RORA: variants seen among roughly 807,000 people sequenced by gnomAD.
RORA encodes the protein RAR related orphan receptor A.
Under a neutral mutation model 69.5 loss-of-function variants are expected in RORA, and 7 were observed. The ratio of observed to expected loss-of-function variants is 0.10; its 90% confidence interval spans 0.06 to 0.19. The LOEUF (loss-of-function observed/expected upper bound fraction) is 0.19. RORA is among the 10% of genes least tolerant of loss of function. The pLI, the probability that RORA is intolerant of heterozygous loss-of-function variation, is 1.00. For synonymous variants in RORA, 261 were observed against 240.8 expected, an observed-to-expected ratio of 1.08 and a Z score of -0.78; for missense variants, 457 against 663.0, an observed-to-expected ratio of 0.69 and a Z score of 3.41.
rs567252990 is a variant in RORA, at chr15:60,625,443, A to C, written c.196+53214T>G. 3.3e-5 allele frequency among the ~76,000 whole-genome samples: 5 copies of C among 152,338 alleles called. No individual in the cohort carries two copies. In the East Asian group the frequency reaches 7.7e-4, roughly 23 times the overall value. On this transcript the variant is annotated intron_variant, in intron 2 of 10. Transcript: ENST00000335670. Reference sequence around the variant, plus strand: ...CAAATGCATTTACCATTGTCCTACTATTCCGCATCTAGGAATTTATCCTGT... The same window carrying C: ...CAAATGCATTTACCATTGTCCTACTCTTCCGCATCTAGGAATTTATCCTGT...
At chr15:61,077,036 C>T (rs1239295715) in intron 1 of RORA, among the ~76,000 whole-genome samples, 1 of 151,942 alleles carries the variant, frequency 6.6e-6, no homozygotes, top group Non-Finnish European at 1.5e-5. Context: ...AACACTAAAA[C>T]CGATTTTGTT....
chr15:60,980,725 C>T (rs906386612), intron 1 of RORA, among the ~76,000 whole-genome samples: 3 of 151,730 alleles, frequency 2.0e-5, no homozygotes, highest in Non-Finnish European at 4.4e-5. Context: ...GGTGGTAATG[C>T]CCTTCTCTCA....
At chr15:60,498,998 G>T (rs1225810465) in intron 10 of RORA, among the ~76,000 whole-genome samples, 2 of 152,040 alleles carry the variant, frequency 1.3e-5, no homozygotes, top group Non-Finnish European at 2.9e-5. Context: ...TACTAGCAAT[G>T]GCACTGAAGG....
At chr15:60,657,066 T>C (rs2070231706) in intron 2 of RORA, among the ~76,000 whole-genome samples, 1 of 152,198 alleles carries the variant, frequency 6.6e-6, no homozygotes, top group African/African-American at 2.4e-5. Flanking sequence ...GAATTGGCTA[T>C]GTGGGTTGGC....
At chr15:60,742,991 C>T (rs1042147167) in intron 1 of RORA, among the ~76,000 whole-genome samples, 1 of 149,182 alleles carries the variant, frequency 6.7e-6, no homozygotes, top group Non-Finnish European at 1.5e-5. Flanking sequence ...TATGATATCC[C>T]TATTTATGTA....
intron 1 of RORA, among the ~76,000 whole-genome samples, chr15:60,853,446 G>A (rs1292093588): frequency 2.6e-5 from 4 of 152,160 alleles, no homozygotes; most frequent in Admixed American, 1.3e-4. Context: ...AGAGTCACAA[G>A]GCATAAAACG....
intron 1 of RORA, among the ~76,000 whole-genome samples, chr15:60,928,112 C>A (rs576883022): frequency 8.5e-5 from 13 of 152,320 alleles, no homozygotes; most frequent in African/African-American, 2.6e-4. Context: ...CTCTGGAACA[C>A]TGAACTGCCC....
intron 2 of RORA, among the ~76,000 whole-genome samples, chr15:60,637,604 G>GA (rs2069864396): frequency 1.3e-5 from 2 of 151,992 alleles, no homozygotes; most frequent in Admixed American, 6.6e-5. Context: ...TATACGGCGT[G>GA]AAAAAAATTT....
chr15:60,789,056 A>G (rs947315516), intron 1 of RORA, among the ~76,000 whole-genome samples: 1 of 152,212 alleles, frequency 6.6e-6, no homozygotes, highest in African/African-American at 2.4e-5. Flanking sequence ...TGAAATATTG[A>G]TTTGCAAGGC....
chr15:60,773,020 A>G (rs1177417731), intron 1 of RORA, among the ~76,000 whole-genome samples: 2 of 152,212 alleles, frequency 1.3e-5, no homozygotes, highest in Non-Finnish European at 2.9e-5. Flanking sequence ...TTTGAGTTGC[A>G]AGTTCCATTT....
intron 1 of RORA, among the ~76,000 whole-genome samples, chr15:61,079,488 T>C (rs2078505499): frequency 6.6e-6 from 1 of 152,202 alleles, no homozygotes. Context: ...CATCACCAAG[T>C]ATCGTGCAAG....
chr15:60,667,078 C>T (rs1206805744), intron 2 of RORA, among the ~76,000 whole-genome samples: 1 of 152,170 alleles, frequency 6.6e-6, no homozygotes, highest in Non-Finnish European at 1.5e-5. Flanking sequence ...TAATATACCT[C>T]ATCTCAGAGA....
At chr15:60,608,022 A>G (rs533752304) in intron 2 of RORA, among the ~76,000 whole-genome samples, 1 of 152,362 alleles carries the variant, frequency 6.6e-6, no homozygotes, top group South Asian at 2.1e-4. Flanking sequence ...AGGCAGCTGC[A>G]AAACGTCCGT....
chr15:60,671,696 CT>C (rs2070475590), intron 2 of RORA, among the ~76,000 whole-genome samples: 1 of 151,710 alleles, frequency 6.6e-6, no homozygotes, highest in South Asian at 2.1e-4. Context: ...ACTGCAACCT[CT>C]GCCTCCCGGG....
In RORA at chr15:60,495,088, A is replaced by G. The variant is rs2065133797; in HGVS notation, c.*2367T>C. Reference sequence around the variant, plus strand: ...TTTAGTGAATCTGAATGACAAAAAAACAAAACAAAACCAAAACCAAAAAAC... The same window carrying G: ...TTTAGTGAATCTGAATGACAAAAAAGCAAAACAAAACCAAAACCAAAAAAC... On this transcript the variant is annotated 3_prime_UTR_variant, in exon 11 of 11. Transcript: ENST00000335670. 6.6e-6 allele frequency: 1 copy of G among 152,206 alleles called. No homozygotes were observed. Among genetic ancestry groups the G allele is most frequent in the African/African-American group, 2.4e-5 (1 of 41,446 alleles). The allele number at this position is 152,206 out of a possible 1,614,324, so 9.4% of individuals were successfully genotyped here.
intron 7 of RORA, among the ~76,000 whole-genome samples, 174 bp downstream of exon 7, chr15:60,503,361 T>C (rs2065390293): frequency 6.6e-6 from 1 of 152,202 alleles, no homozygotes; most frequent in South Asian, 2.1e-4. Context: ...GGGGGAATGT[T>C]TCCTGAATAT....
chr15:60,513,194 A>G (rs907579424), intron 4 of RORA, among the ~76,000 whole-genome samples: 5 of 152,252 alleles, frequency 3.3e-5, no homozygotes, highest in African/African-American at 9.6e-5. Context: ...CACAACTCAG[A>G]TAAGAAACTT....
chr15:60,725,539 C>T lies in RORA; in HGVS notation c.167-46853G>A, dbSNP rs1595662593. Among the ~76,000 whole-genome samples the T allele has an allele frequency of 2.0e-5, 3 of 152,284 alleles. No homozygotes were observed. In the South Asian group the frequency reaches 6.2e-4, roughly 32 times the overall value. ...CACATTATGGAAAATGGGGTGTCCA[C>T]CCCCTCAAGCACGTATCCTTTGTGT... On this transcript the variant is annotated intron_variant, in intron 1 of 10. Coordinates refer to ENST00000335670, the MANE Select transcript of RORA (RefSeq NM_134261.3).
intron 1 of RORA, among the ~76,000 whole-genome samples, chr15:60,750,926 C>T (rs1167438025): frequency 2.0e-5 from 3 of 152,208 alleles, no homozygotes; most frequent in African/African-American, 7.2e-5. Flanking sequence ...TTAGTTCCAA[C>T]TCCAGGTTGG....
Sources: gnomAD v4.1 joint callset for allele counts (sites outside exome capture counted in the v4.1 genomes callset) on GRCh38, gnomAD v4.1.1 for gene constraint, MANE v1.5 for transcripts, NCBI Gene and HGNC (gene_info 2026-07-23, HGNC 2026-07-21) for gene names.